Variants in NRXN3 observed in about 807,000 individuals in gnomAD.
NRXN3 encodes neurexin 3, also known as neurexin III.
In NRXN3, 32 loss-of-function variants were observed where a neutral mutation model predicts 137.6. The observed-to-expected ratio is 0.23, with a 90% CI of 0.18 to 0.31. The LOEUF is 0.31. NRXN3 is among the 10% of genes least tolerant of loss of function. NRXN3 has a pLI of 1.00. For missense variants in NRXN3, 1,574 were observed against 2,062.5 expected (o/e 0.76, Z 4.59); for synonymous variants, 798 against 784.5 (o/e 1.02, Z -0.29).
intron 8 of NRXN3, among the ~76,000 whole-genome samples, chr14:78,776,899 A>G (rs1353700969): frequency 6.6e-6 from 1 of 152,234 alleles, no homozygotes; most frequent in Non-Finnish European, 1.5e-5. Flanking sequence ...TTTCTGATTC[A>G]GTAGGTTGGG....
In NRXN3 at chr14:79,269,449, T is replaced by A. The variant is rs527959735; in HGVS notation, c.3263-197772T>A. Among the ~76,000 whole-genome samples, 6 of 152,310 alleles carry A rather than the reference T, an allele frequency of 3.9e-5. No homozygotes were observed. The East Asian group carries it at 1.2e-3, about 29-fold the overall frequency. On this transcript the variant is annotated intron_variant, in intron 15 of 20. Coordinates refer to ENST00000335750, the MANE Select transcript of NRXN3 (RefSeq NM_001330195.2). ...GCTATTCTGACATTAATATAGCATA[T>A]GATACTAAACAAGTCACTCTCTTCT...
At chr14:78,414,438 C>G (rs906944073) in intron 4 of NRXN3, among the ~76,000 whole-genome samples, 1 of 152,158 alleles carries the variant, frequency 6.6e-6, no homozygotes, top group African/African-American at 2.4e-5. Context: ...TTGTCCCTTT[C>G]TATCTTTTTA....
chr14:78,446,474 G>A (rs998772918), intron 4 of NRXN3, among the ~76,000 whole-genome samples: 15 of 151,760 alleles, frequency 9.9e-5, no homozygotes, highest in Non-Finnish European at 1.5e-4. Flanking sequence ...CTCTATGTAA[G>A]GTATACTTCA....
chr14:79,779,365 G>A (rs576398133), intron 19 of NRXN3, among the ~76,000 whole-genome samples: 47 of 152,120 alleles, frequency 3.1e-4, no homozygotes, highest in Non-Finnish European at 6.0e-4. Flanking sequence ...CGCCCACCTC[G>A]GCCTCCCAAA....
chr14:78,945,971 A>G lies in NRXN3; in HGVS notation c.2276-11271A>G, dbSNP rs549707749. Among the ~76,000 whole-genome samples the G allele has an allele frequency of 7.2e-5, 11 of 152,350 alleles. No homozygotes were observed. The East Asian group carries it at 2.1e-3, about 29-fold the overall frequency. On this transcript the variant is annotated intron_variant, in intron 10 of 20. Transcript: ENST00000335750. ...CATTTTCTTGGCTGTGAAGCACATAAGGCAAAATGCCTGACATAAGAGGCA... is the reference window on the plus strand; with the variant it reads ...CATTTTCTTGGCTGTGAAGCACATAGGGCAAAATGCCTGACATAAGAGGCA...
intron 15 of NRXN3, among the ~76,000 whole-genome samples, chr14:79,295,380 G>C (rs1012717393): frequency 1.3e-5 from 2 of 151,900 alleles, no homozygotes; most frequent in Non-Finnish European, 2.9e-5. Context: ...GAAGGATCAA[G>C]ATTATATGAA....
chr14:79,221,425 G>A (rs2069650503), intron 15 of NRXN3, among the ~76,000 whole-genome samples: 1 of 152,086 alleles, frequency 6.6e-6, no homozygotes, highest in Non-Finnish European at 1.5e-5. Context: ...GTTGTTTCCT[G>A]ACTTTTTAAT....
At chr14:78,728,900 A>AAAAC (rs961754445) in intron 8 of NRXN3, among the ~76,000 whole-genome samples, 7 of 152,152 alleles carry the variant, frequency 4.6e-5, no homozygotes, top group Non-Finnish European at 8.8e-5. Context: ...CTCCATCTCA[A>AAAAC]AAACAAACAA....
intron 15 of NRXN3, among the ~76,000 whole-genome samples, chr14:79,242,002 G>A (rs1194050459): frequency 6.6e-6 from 1 of 152,050 alleles, no homozygotes; most frequent in Non-Finnish European, 1.5e-5. Flanking sequence ...AGGAGGCAGA[G>A]GTTGCAGTGA....
intron 19 of NRXN3, among the ~76,000 whole-genome samples, chr14:79,757,377 C>A (rs750213171): frequency 3.3e-5 from 5 of 152,078 alleles, no homozygotes; most frequent in African/African-American, 1.2e-4. Context: ...ATGATGGTCC[C>A]GTCTTGCAGA....
chr14:78,240,081 T>A (rs746720775), intron 1 of NRXN3, among the ~76,000 whole-genome samples: 1 of 152,224 alleles, frequency 6.6e-6, no homozygotes, highest in Non-Finnish European at 1.5e-5. Context: ...AAATACTCCT[T>A]GCCTGTTTAT....
intron 15 of NRXN3, among the ~76,000 whole-genome samples, chr14:78,993,406 A>C (rs151335414): frequency 2.0e-5 from 3 of 152,130 alleles, no homozygotes; most frequent in Non-Finnish European, 4.4e-5. Context: ...TTATGAACCT[A>C]TGTTGTTCCA....
chr14:79,486,949 CT>C (rs1223842426), intron 16 of NRXN3, among the ~76,000 whole-genome samples: 10 of 150,564 alleles, frequency 6.6e-5, no homozygotes, highest in African/African-American at 1.5e-4. Flanking sequence ...CTCTCTCTCT[CT>C]CTCTCTCTCT....
At chr14:78,940,473 C>G (rs756333733) in intron 10 of NRXN3, among the ~76,000 whole-genome samples, 3 of 152,174 alleles carry the variant, frequency 2.0e-5, no homozygotes, top group Non-Finnish European at 2.9e-5. Context: ...TCACTCTCTA[C>G]TCCATTAGAC....
At chr14:78,344,468 G>A (rs1055912294) in intron 4 of NRXN3, among the ~76,000 whole-genome samples, 6 of 152,214 alleles carry the variant, frequency 3.9e-5, no homozygotes, top group African/African-American at 1.4e-4. Context: ...CTCTGGGCAT[G>A]CCCACTGACT....
At chr14:78,810,231 G>A (rs181657968) in intron 9 of NRXN3, 87 bp from the exon 10 acceptor site, 88 of 786,244 alleles carry the variant, frequency 1.1e-4, no homozygotes, top group Middle Eastern at 2.3e-4. Context: ...GTCTGTCCCC[G>A]GAAGGGTGGA....
chr14:79,816,408 T>C (rs1036461016), intron 20 of NRXN3, among the ~76,000 whole-genome samples: 2 of 152,164 alleles, frequency 1.3e-5, no homozygotes, highest in Non-Finnish European at 2.9e-5. Context: ...AGTTTAAATG[T>C]ATTATGGTTG....
chr14:78,437,854 A>T (rs1861080), intron 4 of NRXN3, among the ~76,000 whole-genome samples: 20,938 of 152,210 alleles, frequency 0.14, 2,312 homozygotes, highest in East Asian at 0.36. Context: ...TAAATCAATT[A>T]AAAAATTTAA....
chr14:79,504,289 C>T (rs1305183127), intron 16 of NRXN3, among the ~76,000 whole-genome samples: 1 of 152,118 alleles, frequency 6.6e-6, no homozygotes, highest in Non-Finnish European at 1.5e-5. Context: ...TATTCTCTGA[C>T]AGATTGTTAT....
Sources: allele counts gnomAD v4.1 joint callset (sites outside exome capture counted in the v4.1 genomes callset), GRCh38; gene constraint gnomAD v4.1.1; transcripts MANE v1.5; gene names NCBI Gene and HGNC (gene_info 2026-07-23, HGNC 2026-07-21).